The following CNTN4 variants were observed in gnomAD, a reference collection of about 807,000 sequenced individuals.
CNTN4 encodes contactin-4.
CNTN4 carries 77 observed loss-of-function variants against 122.5 expected under a neutral mutation model. That is an observed-to-expected ratio of 0.63 (90% CI 0.52 to 0.76). CNTN4 has a LOEUF of 0.76. Among genes scored for constraint, CNTN4 ranks in the 30% least tolerant of loss-of-function variants. CNTN4 has a pLI of 0.00. For synonymous variants in CNTN4, 512 were observed against 447.0 expected (o/e 1.15, Z -1.83); for missense variants, 1,256 against 1,259.1 (o/e 1.00, Z 0.04).
chr3:2,262,565 A>G (rs1419088382), intron 2 of CNTN4: 3 of 150,344 alleles, frequency 2.0e-5, no homozygotes, highest in Non-Finnish European at 4.4e-5. Flanking sequence ...TTTTCTGCCC[A>G]GTGGATTTTT....
chr3:2,521,352 C>CCCCCCCCCCCCA (rs1553678488), intron 3 of CNTN4, among the ~76,000 whole-genome samples: 2 of 32,634 alleles, frequency 6.1e-5, no homozygotes, highest in African/African-American at 1.3e-4. Context: ...ATCCCCCCCA[C>CCCCCCCCCCCCA]CCCCCGCAAT....
At chr3:2,861,643 CTGACT>C (rs975291480) in intron 7 of CNTN4, among the ~76,000 whole-genome samples, 1 of 152,154 alleles carries the variant, frequency 6.6e-6, no homozygotes, top group Non-Finnish European at 1.5e-5. Context: ...TTCATGTCTC[CTGACT>C]TAACTCTAAT....
At chr3:2,529,894 G>C (rs1396077166) in intron 3 of CNTN4, among the ~76,000 whole-genome samples, 1 of 152,112 alleles carries the variant, frequency 6.6e-6, no homozygotes, top group African/African-American at 2.4e-5. Context: ...ACAGCTGCTG[G>C]TTTGATTCCA....
At chr3:2,730,240 T>C (rs2088582688) in intron 4 of CNTN4, among the ~76,000 whole-genome samples, 1 of 152,198 alleles carries the variant, frequency 6.6e-6, no homozygotes, top group African/African-American at 2.4e-5. Context: ...ACCTTATACC[T>C]ATAGCCTGAA....
In CNTN4 at chr3:2,238,820, C is replaced by CTG. The variant is rs1559369002; in HGVS notation, c.-144-100358_-144-100357insTG. ...TCGGCTCACTGCAAGCTCCGCCTCC[C>CTG]GGGTTCCCGCCATTCTCCCGCCTCA... On this transcript the variant is annotated intron_variant, in intron 2 of 24. Coordinates refer to ENST00000418658, the MANE Select transcript of CNTN4 (RefSeq NM_175607.3). The CTG allele has an allele frequency of 4.8e-5, 5 of 105,076 alleles. 1 individual carries two copies. Among genetic ancestry groups the CTG allele is most frequent in the Non-Finnish European group, 8.1e-5 (4 of 49,508 alleles). 6.5% of individuals were successfully genotyped at this position (105,076 alleles called of 1,614,324 possible).
chr3:2,576,505 G>A (rs992113089), intron 4 of CNTN4, among the ~76,000 whole-genome samples: 10 of 151,794 alleles, frequency 6.6e-5, no homozygotes, highest in African/African-American at 2.2e-4. Context: ...GTGCAACACT[G>A]CCTCTCCCAT....
At chr3:2,440,957 A>C (rs1007336112) in intron 3 of CNTN4, among the ~76,000 whole-genome samples, 2 of 149,588 alleles carry the variant, frequency 1.3e-5, no homozygotes, top group Admixed American at 6.7e-5. Flanking sequence ...ATTTTCACAC[A>C]CATATATATT....
At chr3:2,892,880 C>A (rs2094060041) in intron 10 of CNTN4, among the ~76,000 whole-genome samples, 1 of 152,158 alleles carries the variant, frequency 6.6e-6, no homozygotes, top group Non-Finnish European at 1.5e-5. Context: ...TCCAGAGATA[C>A]AAAATAACTT....
chr3:2,328,801 A>G (rs1474115405), intron 2 of CNTN4, among the ~76,000 whole-genome samples: 1 of 152,188 alleles, frequency 6.6e-6, no homozygotes, highest in Non-Finnish European at 1.5e-5. Context: ...CAGGAGTCAC[A>G]TGTAAATACG....
In CNTN4 at chr3:2,825,013, C is replaced by T. The variant is rs572458756; in HGVS notation, c.454+5432C>T. ...TAGTTACCTTAGGCTTTAGCTTTGA[C>T]TTTATATGTTTTTGTTCATAAAGGA... On this transcript the variant is annotated intron_variant, in intron 7 of 24. Coordinates refer to ENST00000418658, the MANE Select transcript of CNTN4 (RefSeq NM_175607.3). 8.5e-5 allele frequency among the ~76,000 whole-genome samples: 13 copies of T among 152,114 alleles called. No individual in the cohort carries two copies. In the South Asian group the frequency reaches 2.5e-3, roughly 29 times the overall value.
At chr3:3,034,082 T>A (rs1164981792) in intron 16 of CNTN4, among the ~76,000 whole-genome samples, 1 of 152,190 alleles carries the variant, frequency 6.6e-6, no homozygotes, top group East Asian at 1.9e-4. Flanking sequence ...GGGTTGGATG[T>A]GAAGAGAGTG....
chr3:2,376,507 A>G (rs2045821610), intron 3 of CNTN4, among the ~76,000 whole-genome samples: 1 of 152,116 alleles, frequency 6.6e-6, no homozygotes, highest in Admixed American at 6.6e-5. Context: ...TTGAAGTATC[A>G]GTATTTCTAT....
intron 3 of CNTN4, among the ~76,000 whole-genome samples, chr3:2,437,894 T>C (rs1156428618): frequency 6.6e-6 from 1 of 152,202 alleles, no homozygotes; most frequent in Non-Finnish European, 1.5e-5. Context: ...AGTTAAGGCA[T>C]ACATCTTGAA....
At chr3:2,900,198 G>A (rs768879786) in intron 10 of CNTN4, among the ~76,000 whole-genome samples, 7 of 152,094 alleles carry the variant, frequency 4.6e-5, no homozygotes, top group Non-Finnish European at 7.4e-5. Flanking sequence ...AAGAGGTTAC[G>A]GAAAATATCT....
At chr3:2,710,175 G>A (rs990451521) in intron 4 of CNTN4, among the ~76,000 whole-genome samples, 5 of 152,146 alleles carry the variant, frequency 3.3e-5, no homozygotes, top group African/African-American at 7.2e-5. Context: ...AGCAATTTTG[G>A]TTTTTAGTTG....
At chr3:2,380,376 C>G (rs1428376330) in intron 3 of CNTN4, among the ~76,000 whole-genome samples, 1 of 152,114 alleles carries the variant, frequency 6.6e-6, no homozygotes, top group Non-Finnish European at 1.5e-5. Context: ...TATTAAAGAG[C>G]ACTAAGATCT....
chr3:2,336,813 C>T (rs563313613), intron 2 of CNTN4, among the ~76,000 whole-genome samples: 1 of 152,088 alleles, frequency 6.6e-6, no homozygotes, highest in Admixed American at 6.6e-5. Context: ...GTATGTAATC[C>T]TAACTCTGGT....
intron 14 of CNTN4, among the ~76,000 whole-genome samples, chr3:3,018,103 G>T (rs1424409111): frequency 6.6e-6 from 1 of 151,632 alleles, no homozygotes; most frequent in Non-Finnish European, 1.5e-5. Flanking sequence ...ATGACCCAGC[G>T]GAGAATAGTA....
intron 2 of CNTN4, among the ~76,000 whole-genome samples, chr3:2,304,946 C>T (rs2042651034): frequency 6.6e-6 from 1 of 151,308 alleles, no homozygotes; most frequent in African/African-American, 2.4e-5. Context: ...TTTATTTATT[C>T]ATAAGCCACT....
Sources: gnomAD v4.1 joint callset for allele counts (sites outside exome capture counted in the v4.1 genomes callset) on GRCh38, gnomAD v4.1.1 for gene constraint, MANE v1.5 for transcripts, NCBI Gene and HGNC (gene_info 2026-07-23, HGNC 2026-07-21) for gene names.